CNTN1: variants seen among roughly 807,000 people sequenced by gnomAD.
CNTN1 encodes contactin-1.
A neutral mutation model predicts 126.4 loss-of-function variants in CNTN1; 38 were observed. The ratio of observed to expected loss-of-function variants is 0.30; its 90% CI spans 0.23 to 0.39. CNTN1 has a LOEUF of 0.39. CNTN1 is among the 10% of genes least tolerant of loss of function. The pLI is 1.00. For missense variants in CNTN1, 1,009 were observed against 1,248.4 expected (o/e 0.81, Z 2.89); for synonymous variants, 413 against 422.6 (o/e 0.98, Z 0.28).
intron 1 of CNTN1, among the ~76,000 whole-genome samples, chr12:40,707,895 A>G (rs1375683481): frequency 6.6e-6 from 1 of 152,216 alleles, no homozygotes; most frequent in Non-Finnish European, 1.5e-5. Flanking sequence ...AATGAAGCAT[A>G]ATTTATGTAC....
chr12:40,735,987 G>A (rs1937661013), intron 1 of CNTN1, among the ~76,000 whole-genome samples: 1 of 152,034 alleles, frequency 6.6e-6, no homozygotes, highest in African/African-American at 2.4e-5. Context: ...TGTGGAATAA[G>A]CAGAGGAGAA....
chr12:40,982,783 T>G (rs2074395551), intron 16 of CNTN1, among the ~76,000 whole-genome samples: 1 of 152,094 alleles, frequency 6.6e-6, no homozygotes, highest in Admixed American at 6.6e-5. Context: ...GTAAGTCATG[T>G]GGTGATGAAT....
At chr12:40,946,958 A>AT (rs1186965861) in intron 14 of CNTN1, among the ~76,000 whole-genome samples, 1 of 151,824 alleles carries the variant, frequency 6.6e-6, no homozygotes, top group Non-Finnish European at 1.5e-5. Flanking sequence ...TCTTCTTTAT[A>AT]TTTTTTCTAA....
intron 1 of CNTN1, among the ~76,000 whole-genome samples, chr12:40,872,254 G>GTT (rs1943529095): frequency 7.2e-6 from 1 of 138,790 alleles, no homozygotes; most frequent in Non-Finnish European, 1.6e-5. Flanking sequence ...GTGTGTGTGT[G>GTT]TGTGTGTTTT....
chr12:41,058,022 G>A (rs866271948), intron 23 of CNTN1, among the ~76,000 whole-genome samples: 1 of 152,158 alleles, frequency 6.6e-6, no homozygotes, highest in Middle Eastern at 3.4e-3. Flanking sequence ...TAGTGCAGGA[G>A]GATGGACAAT....
intron 1 of CNTN1, among the ~76,000 whole-genome samples, chr12:40,860,355 A>G (rs1170175722): frequency 3.3e-5 from 5 of 152,112 alleles, no homozygotes; most frequent in Non-Finnish European, 7.4e-5. Context: ...TCCAGTTTTG[A>G]TTCTCTGGAC....
chr12:40,821,792 G>T (rs892780827), intron 1 of CNTN1, among the ~76,000 whole-genome samples: 2 of 151,936 alleles, frequency 1.3e-5, no homozygotes, highest in African/African-American at 4.8e-5. Context: ...GCTTCAAATA[G>T]AATTGGATGA....
In CNTN1 at chr12:41,037,869, G is replaced by A. The variant is rs935666625; in HGVS notation, c.2980+8650G>A. 2.0e-5 allele frequency among the ~76,000 whole-genome samples: 3 copies of A among 152,162 alleles called. No homozygotes were observed. In the East Asian group the frequency reaches 5.8e-4, roughly 29 times the overall value. ...ATTGATGGTATTGTTTTTAAATTAT[G>A]TTTTTAGGCCAGACATGGTGGCTCA... On this transcript the variant is annotated intron_variant, in intron 23 of 23. Transcript: ENST00000551295.
At chr12:40,750,826 A>G (rs1385871546) in intron 1 of CNTN1, among the ~76,000 whole-genome samples, 2 of 152,024 alleles carry the variant, frequency 1.3e-5, no homozygotes, top group African/African-American at 4.8e-5. Flanking sequence ...AGAAGAGAGG[A>G]TATCTAATCC....
At chr12:40,992,310 C>T (rs1450961539) in intron 16 of CNTN1, among the ~76,000 whole-genome samples, 2 of 152,102 alleles carry the variant, frequency 1.3e-5, no homozygotes, top group Non-Finnish European at 2.9e-5. Context: ...ATTATGTATT[C>T]ATGGTCTACA....
intron 23 of CNTN1, among the ~76,000 whole-genome samples, chr12:41,040,780 G>A (rs1271919805): frequency 6.7e-6 from 1 of 150,352 alleles, no homozygotes; most frequent in East Asian, 1.9e-4. Flanking sequence ...CTGAGACTTT[G>A]CTGAAGTTGC....
rs539372865 is a variant in CNTN1, at chr12:40,698,478, C to T, written c.-77+5886C>T. Among the ~76,000 whole-genome samples the T allele has an allele frequency of 2.0e-4, 30 of 151,828 alleles. 1 individual carries two copies. In the South Asian group the frequency reaches 5.8e-3, roughly 30 times the overall value. On this transcript the variant is annotated intron_variant, in intron 1 of 23. Transcript: ENST00000551295. ...GTCTTGATCTCCTGACCTTGTGATCCGCCCGCCTCGGCCTCCCAAAGTGCT... is the reference window on the plus strand; with the variant it reads ...GTCTTGATCTCCTGACCTTGTGATCTGCCCGCCTCGGCCTCCCAAAGTGCT...
At chr12:40,985,206 G>A in intron 16 of CNTN1, among the ~76,000 whole-genome samples, 1 of 151,764 alleles carries the variant, frequency 6.6e-6, no homozygotes, top group East Asian at 1.9e-4. Context: ...TCACTGCTTT[G>A]AATATGTCAT....
intron 20 of CNTN1, among the ~76,000 whole-genome samples, chr12:41,021,542 G>A (rs1161737073): frequency 6.6e-6 from 1 of 151,438 alleles, no homozygotes; most frequent in Non-Finnish European, 1.5e-5. Context: ...TAAATAAAAT[G>A]TTACAATTGG....
intron 23 of CNTN1, among the ~76,000 whole-genome samples, chr12:41,058,555 T>C (rs1949873490): frequency 1.3e-5 from 2 of 152,284 alleles, no homozygotes; most frequent in Admixed American, 6.5e-5. Flanking sequence ...ATTTTATAAA[T>C]AAACTCCTGC....
At chr12:41,034,471 G>T (rs144404982) in intron 23 of CNTN1, among the ~76,000 whole-genome samples, 1 of 152,102 alleles carries the variant, frequency 6.6e-6, no homozygotes, top group South Asian at 2.1e-4. Flanking sequence ...CCTAAGTATT[G>T]CAGTGTAAGA....
At chr12:40,727,951 C>T (rs895421934) in intron 1 of CNTN1, among the ~76,000 whole-genome samples, 7 of 152,132 alleles carry the variant, frequency 4.6e-5, no homozygotes, top group Non-Finnish European at 7.4e-5. Flanking sequence ...TAGAGGTGTC[C>T]GCCCTCAGGC....
intron 1 of CNTN1, among the ~76,000 whole-genome samples, chr12:40,718,449 G>GA: frequency 6.6e-6 from 1 of 152,160 alleles, no homozygotes; most frequent in East Asian, 1.9e-4. Context: ...AAAGTGCTGG[G>GA]ATTACAGGCG....
chr12:40,838,837 A>G lies in CNTN1; in HGVS notation c.-76-69520A>G, dbSNP rs1942171468. Among the ~76,000 whole-genome samples, 3 of 151,674 alleles carry G rather than the reference A, an allele frequency of 2.0e-5. No homozygotes were observed. The South Asian group carries it at 6.2e-4, about 32-fold the overall frequency. On this transcript the variant is annotated intron_variant, in intron 1 of 23. Coordinates refer to ENST00000551295, the MANE Select transcript of CNTN1 (RefSeq NM_001843.4). ...CAGTTACACCATATGTGCAGATATC[A>G]ATGCAAGGATACATGAAGCATGAAA...
Sources: allele counts gnomAD v4.1 joint callset (sites outside exome capture counted in the v4.1 genomes callset), GRCh38; gene constraint gnomAD v4.1.1; transcripts MANE v1.5; gene names NCBI Gene and HGNC (gene_info 2026-07-23, HGNC 2026-07-21).